CEP85L: variants seen among roughly 807,000 people sequenced by gnomAD.
The protein encoded by CEP85L is centrosomal protein of 85 kDa-like.
Under a neutral mutation model 100.3 loss-of-function variants are expected in CEP85L, and 60 were observed. That is an observed-to-expected ratio of 0.60 (90% CI 0.49 to 0.74). The LOEUF is 0.74. Ranked by LOEUF, CEP85L falls within the 30% of genes least tolerant of loss-of-function variation. CEP85L has a pLI of 0.00. For synonymous variants in CEP85L, 319 were observed against 322.7 expected (o/e 0.99, Z 0.12); for missense variants, 973 against 936.2 (o/e 1.04, Z -0.51).
intron 7 of CEP85L, 110 bp downstream of exon 7, chr6:118,483,596 C>T (rs1234743164): frequency 1.7e-5 from 16 of 951,522 alleles, no homozygotes; most frequent in African/African-American, 6.6e-5. Context: ...GAATTAAGTC[C>T]CCAAAACAGC....
intron 8 of CEP85L, among the ~76,000 whole-genome samples, chr6:118,480,994 ATTTCT>A (rs1222504830): frequency 2.6e-5 from 4 of 150,988 alleles, no homozygotes; most frequent in Admixed American, 6.6e-5. Flanking sequence ...TTTCTCTTTC[ATTTCT>A]TTTCTTTTTT....
chr6:118,616,665 G>T (rs1476176009), intron 2 of CEP85L, among the ~76,000 whole-genome samples: 3 of 142,110 alleles, frequency 2.1e-5, no homozygotes, highest in East Asian at 4.1e-4. Context: ...AAAAAAAAAA[G>T]TCCAGGTGCA....
chr6:118,485,392 T>C (rs1393381116), intron 6 of CEP85L, among the ~76,000 whole-genome samples: 1 of 115,638 alleles, frequency 8.6e-6, no homozygotes, highest in Admixed American at 7.6e-5. Flanking sequence ...TCAGGTCTAA[T>C]GTATAACAAT....
chr6:118,629,664 T>C (rs1046764899), intron 2 of CEP85L, among the ~76,000 whole-genome samples: 1 of 152,318 alleles, frequency 6.6e-6, no homozygotes, highest in East Asian at 1.9e-4. Context: ...GAAAACTAAA[T>C]ATACTCTTAC....
chr6:118,611,085 A>G (rs1772577128), intron 2 of CEP85L, among the ~76,000 whole-genome samples: 1 of 152,198 alleles, frequency 6.6e-6, no homozygotes. Context: ...ATACAAAGGA[A>G]GAAAAAACAC....
chr6:118,628,652 A>G (rs1773956546), intron 2 of CEP85L, among the ~76,000 whole-genome samples: 1 of 152,018 alleles, frequency 6.6e-6, no homozygotes, highest in Non-Finnish European at 1.5e-5. Flanking sequence ...AAACAAACAA[A>G]CAAACAAACA....
At position 118,599,584 on chromosome 6, in the gene CEP85L, AC is replaced by A. The variant is rs572894776; in HGVS notation, c.232+32868del. ...TTTTCAGTGTGGGCAGGACTCAGTG[AC>A]TTGCTTCCAAAAAATAGAGTATGAT... On this transcript the variant is annotated intron_variant, in intron 2 of 12. Coordinates refer to ENST00000368491, the MANE Select transcript of CEP85L (RefSeq NM_001042475.3). 2.4e-3 allele frequency among the ~76,000 whole-genome samples: 364 copies of A among 152,308 alleles called. 1 individual carries two copies. Among genetic ancestry groups the A allele is most frequent in the Admixed American group, 5.0e-3 (76 of 15,298 alleles).
intron 2 of CEP85L, among the ~76,000 whole-genome samples, chr6:118,614,893 T>C (rs188050222): frequency 3.5e-4 from 52 of 150,416 alleles, no homozygotes; most frequent in African/African-American, 6.4e-4. Flanking sequence ...GATAGATAGA[T>C]AGATAGATAG....
In CEP85L at chr6:118,559,034, T is replaced by C. The variant is rs1554219862; in HGVS notation, c.1020+6495A>G. 6.2e-7 allele frequency: 1 copy of C among 1,611,196 alleles called. No homozygotes were observed. ...AATCTATTTATCAATTTCTGTCTCA[T>C]CTTAATATGTCTCTTGCTGATCTGT... On this transcript the variant is annotated intron_variant, in intron 3 of 12. Coordinates refer to ENST00000368491, the MANE Select transcript of CEP85L (RefSeq NM_001042475.3).
At chr6:118,499,663 C>CA (rs935551043) in intron 5 of CEP85L, among the ~76,000 whole-genome samples, 2 of 148,464 alleles carry the variant, frequency 1.3e-5, no homozygotes, top group African/African-American at 4.9e-5. Flanking sequence ...GACTCTGTCT[C>CA]AAAAAAAACA....
intron 5 of CEP85L, among the ~76,000 whole-genome samples, chr6:118,497,708 G>A (rs1369872435): frequency 6.6e-6 from 1 of 152,074 alleles, no homozygotes; most frequent in African/African-American, 2.4e-5. Context: ...GGATTTTTGT[G>A]GCCAGTATAT....
At chr6:118,671,264 G>A (rs1385539576) in intron 1 of CEP85L, among the ~76,000 whole-genome samples, 2 of 152,062 alleles carry the variant, frequency 1.3e-5, no homozygotes, top group Admixed American at 6.6e-5. Context: ...TGCAGCATAC[G>A]TTTTGTTTAG....
In CEP85L at chr6:118,461,357, C is replaced by T. The variant is rs1772221555; in HGVS notation, c.*4048G>A. The T allele has an allele frequency of 6.6e-6, 1 of 151,884 alleles. No homozygotes were observed. Among genetic ancestry groups the T allele is most frequent in the Non-Finnish European group, 1.5e-5 (1 of 67,924 alleles). The allele number at this position is 151,884 out of a possible 1,614,324, so 9.4% of individuals were successfully genotyped here. On this transcript the variant is annotated 3_prime_UTR_variant, in exon 13 of 13. Coordinates refer to ENST00000368491, the MANE Select transcript of CEP85L (RefSeq NM_001042475.3). ...TCCAAAGACATCTATCTGATAATTC[C>T]CCTCATGTTTACTAAGGTATCCACC...
In CEP85L at chr6:118,651,572, G is replaced by C; in HGVS notation, c.-303C>G. The C allele has an allele frequency of 2.6e-6, 3 of 1,164,944 alleles. No individual in the cohort carries two copies. Among genetic ancestry groups the C allele is most frequent in the Non-Finnish European group, 3.2e-6 (3 of 944,632 alleles). 72.2% of individuals were successfully genotyped at this position (1,164,944 alleles called of 1,614,324 possible). Reference sequence around the variant, plus strand: ...CCCAGGCTCAAAGGCTCCAGGCGAAGTTGCAGCTGCGGGTTCTCTCCGCCC... The same window carrying C: ...CCCAGGCTCAAAGGCTCCAGGCGAACTTGCAGCTGCGGGTTCTCTCCGCCC... On this transcript the variant is annotated 5_prime_UTR_variant, in exon 1 of 13. Coordinates refer to ENST00000368491, the MANE Select transcript of CEP85L (RefSeq NM_001042475.3).
chr6:118,496,957 T>C (rs531712167), intron 5 of CEP85L, among the ~76,000 whole-genome samples: 1 of 152,328 alleles, frequency 6.6e-6, no homozygotes, highest in Admixed American at 6.5e-5. Flanking sequence ...TTTCAAACAT[T>C]AGCAGAAATC....
At chr6:118,662,486 C>A (rs1051200576) in intron 1 of CEP85L, among the ~76,000 whole-genome samples, 3 of 150,968 alleles carry the variant, frequency 2.0e-5, no homozygotes, top group African/African-American at 7.3e-5. Context: ...GCCGAGATCG[C>A]GCCACTGCAT....
intron 2 of CEP85L, among the ~76,000 whole-genome samples, chr6:118,609,879 C>T (rs1772494154): frequency 6.6e-6 from 1 of 151,738 alleles, no homozygotes; most frequent in South Asian, 2.1e-4. Context: ...TCCTATGATA[C>T]AAACAATAGG....
At chr6:118,559,102 T>C (rs781189307) in intron 3 of CEP85L, 2 of 1,589,512 alleles carry the variant, frequency 1.3e-6, no homozygotes, top group Non-Finnish European at 1.7e-6. Context: ...AACCTCTAGA[T>C]CTGCAGCTTG....
rs886061005 is a variant in CEP85L, at chr6:118,560,215, C to T, written c.1020+5314G>A. On this transcript the variant is annotated intron_variant, in intron 3 of 12. Coordinates refer to ENST00000368491, the MANE Select transcript of CEP85L (RefSeq NM_001042475.3). ...ATGGGGGTTAGGGGAGCTGACAATT[C>T]GTGGGTCCGCAAAATCTTAACTACC... 5 of 166,962 alleles carry T rather than the reference C, an allele frequency of 3.0e-5. No homozygotes were observed. Among genetic ancestry groups the T allele is most frequent in the Non-Finnish European group, 7.3e-5 (5 of 68,096 alleles). 10.3% of individuals were successfully genotyped at this position (166,962 alleles called of 1,614,324 possible). A position where few individuals can be genotyped will look rare whatever the true frequency, so the allele number is the denominator to read the frequency against.
Sources: gnomAD v4.1 joint callset for allele counts (sites outside exome capture counted in the v4.1 genomes callset) on GRCh38, gnomAD v4.1.1 for gene constraint, MANE v1.5 for transcripts, NCBI Gene and HGNC (gene_info 2026-07-23, HGNC 2026-07-21) for gene names.